Variants in IL2RA observed in about 807,000 individuals in gnomAD.
IL2RA encodes the protein interleukin 2 receptor subunit alpha.
A neutral mutation model predicts 37.8 loss-of-function variants in IL2RA; 24 were observed. The observed-to-expected ratio is 0.63, with a 90% CI of 0.46 to 0.89. The LOEUF (loss-of-function observed/expected upper bound fraction) is 0.89. Ranked by LOEUF, IL2RA falls within the 40% of genes least tolerant of loss-of-function variation. The pLI, the probability that IL2RA is intolerant of heterozygous loss-of-function variation, is 0.00. For synonymous variants in IL2RA, 125 were observed against 114.6 expected, an observed-to-expected ratio of 1.09 and a Z score of -0.58; for missense variants, 319 against 348.6, an observed-to-expected ratio of 0.92 and a Z score of 0.68.
chr10:6,058,249 C>T lies in IL2RA; in HGVS notation c.64+3839G>A, dbSNP rs558285206. On this transcript the variant is annotated intron_variant, in intron 1 of 7. Transcript: ENST00000379959. This position sits in a 1 kb window ranked among gnomAD's most constrained non-coding sequence, Gnocchi z 4.2. ...GGTGGAGTAGTGGAGTTTTAGAGCT[C>T]AGCAACCGTTCTATATTAGCACCTC... Among the ~76,000 whole-genome samples the T allele has an allele frequency of 6.6e-6, 1 of 152,302 alleles. No homozygotes were observed. The highest frequency in any genetic ancestry group is 1.5e-5 in the Non-Finnish European group (1 of 68,020).
chr10:6,038,172 C>T (rs1839719961), intron 1 of IL2RA, among the ~76,000 whole-genome samples: 2 of 152,172 alleles, frequency 1.3e-5, no homozygotes. Flanking sequence ...CACCAGGTTC[C>T]CTGACTCCTA....
chr10:6,014,802 G>A lies in IL2RA; in HGVS notation c.795-1906C>T, dbSNP rs1179096854. 1.3e-5 allele frequency among the ~76,000 whole-genome samples: 2 copies of A among 152,168 alleles called. No homozygotes were observed. The highest frequency in any genetic ancestry group is 2.9e-5 in the Non-Finnish European group (2 of 68,038). On this transcript the variant is annotated intron_variant, in intron 7 of 7. Transcript: ENST00000379959. The surrounding 1 kb of genome is among the most constrained non-coding windows in gnomAD (Gnocchi z 4.4). The stretch of plus-strand genomic sequence containing the variant: ...AATAACCCTAGGGGGCTTATCATTT[G>A]CACTGCAGTAATTTATACTTTTTAA...
At chr10:6,043,431 TG>T (rs1839803461) in intron 1 of IL2RA, among the ~76,000 whole-genome samples, 1 of 152,012 alleles carries the variant, frequency 6.6e-6, no homozygotes, top group South Asian at 2.1e-4. Context: ...TATTTGTTTT[TG>T]TTTGTGTTTG....
intron 1 of IL2RA, among the ~76,000 whole-genome samples, chr10:6,060,672 A>G (rs989924932): frequency 7.2e-5 from 11 of 152,100 alleles, no homozygotes; most frequent in African/African-American, 2.7e-4. Context: ...CACGAGAATT[A>G]CTTGAGCCCA....
chr10:6,038,825 T>A (rs1839728420), intron 1 of IL2RA, among the ~76,000 whole-genome samples: 1 of 151,846 alleles, frequency 6.6e-6, no homozygotes. Flanking sequence ...ATGTTAAAAA[T>A]TACATCTAAA....
Position 6,021,705 on chromosome 10 carries a change from A to G in IL2RA, c.368-12T>C, listed in dbSNP as rs1176410684. On this transcript the variant is annotated splice_polypyrimidine_tract_variant and intron_variant, in intron 3 of 7. Coordinates refer to ENST00000379959, the MANE Select transcript of IL2RA (RefSeq NM_000417.3). The surrounding 1 kb of genome is among the most constrained non-coding windows in gnomAD (Gnocchi z 4.9). Reference sequence around the variant, plus strand: ...TTCCCTGCAGTGACCTGGAAGATGGAAGGAATGCTCTGAAGGCAAGTTGGG... The same window carrying G: ...TTCCCTGCAGTGACCTGGAAGATGGGAGGAATGCTCTGAAGGCAAGTTGGG... The G allele has an allele frequency of 6.2e-7, 1 of 1,613,358 alleles. No individual in the cohort carries two copies. The highest frequency in any genetic ancestry group is 8.5e-7 in the Non-Finnish European group (1 of 1,179,494).
intron 1 of IL2RA, among the ~76,000 whole-genome samples, chr10:6,026,971 C>T (rs1839494368): frequency 6.6e-6 from 1 of 152,156 alleles, no homozygotes; most frequent in Non-Finnish European, 1.5e-5. Flanking sequence ...AGCACCTTGT[C>T]CTCCGGAAGA....
intron 7 of IL2RA, 150 bp from the exon 8 acceptor site, chr10:6,013,046 T>C: frequency 4.0e-6 from 3 of 748,762 alleles, no homozygotes; most frequent in Admixed American, 2.1e-5. Context: ...GCCAGGCTGG[T>C]CTCGAACTCC....
rs1773650328 is a variant in IL2RA at position 6,044,764 on chromosome 10, G to T, written c.64+17324C>A. Among the ~76,000 whole-genome samples, 1 of 152,146 alleles carries T rather than the reference G, an allele frequency of 6.6e-6. No individual in the cohort carries two copies. The highest frequency in any genetic ancestry group is 2.1e-4 in the South Asian group (1 of 4,826). On this transcript the variant is annotated intron_variant, in intron 1 of 7. Transcript: ENST00000379959. The surrounding 1 kb of genome is among the most constrained non-coding windows in gnomAD (Gnocchi z 4.5). ...TAAGACAGTGCAAAATATAAGTGGT[G>T]GTATAGGGACTTCACCTCCCACTCC...
intron 1 of IL2RA, among the ~76,000 whole-genome samples, chr10:6,060,817 C>T (rs940161003): frequency 7.9e-5 from 12 of 151,964 alleles, no homozygotes; most frequent in African/African-American, 2.9e-4. Context: ...TCTTTAAAGA[C>T]ACTCCTACAT....
intron 7 of IL2RA, chr10:6,017,056 A>G (rs1839290837): frequency 6.0e-6 from 1 of 167,158 alleles, no homozygotes. Flanking sequence ...CTCTTAAAAG[A>G]TGTCACAGCT....
rs1331779479 is a variant in IL2RA, at chr10:6,020,938, TG to T, written c.583+539del. Among the ~76,000 whole-genome samples the T allele has an allele frequency of 2.1e-5, 3 of 142,912 alleles. No individual in the cohort carries two copies. Among genetic ancestry groups the T allele is most frequent in the Non-Finnish European group, 4.7e-5 (3 of 63,662 alleles). 93.8% of individuals were successfully genotyped at this position (142,912 alleles called of 152,430 possible). A position where few individuals can be genotyped will look rare whatever the true frequency, so the allele number is the denominator to read the frequency against. ...CTGAGCATTTGCATGAGTATGTGTG[TG>T]TGTGTGTGTGTGTGCGCGCATGTGC... is the stretch of plus-strand genomic sequence containing the variant. On this transcript the variant is annotated intron_variant, in intron 4 of 7. Coordinates refer to ENST00000379959, the MANE Select transcript of IL2RA (RefSeq NM_000417.3). The surrounding 1 kb of genome is among the most constrained non-coding windows in gnomAD (Gnocchi z 5.6).
intron 1 of IL2RA, among the ~76,000 whole-genome samples, chr10:6,031,511 T>C (rs1347604954): frequency 3.9e-5 from 3 of 77,078 alleles, no homozygotes; most frequent in Non-Finnish European, 7.8e-5. Context: ...TATATATATA[T>C]GTATATATAT....
In IL2RA at chr10:6,018,170, G is replaced by A. The variant is rs756923476; in HGVS notation, c.728-51C>T. The A allele has an allele frequency of 6.9e-6, 10 of 1,455,508 alleles. No individual in the cohort carries two copies. The African/African-American group carries it at 1.1e-4, about 16-fold the overall frequency. The allele number at this position is 1,455,508 out of a possible 1,614,324, so 90.2% of individuals were successfully genotyped here. ...CAAAGGGCCCTGGGCTTGGCATGGG[G>A]GCAGCAGGAGCCAGGGCCACAGGGC... On this transcript the variant is annotated intron_variant, in intron 6 of 7. Coordinates refer to ENST00000379959, the MANE Select transcript of IL2RA (RefSeq NM_000417.3). This position sits in a 1 kb window ranked among gnomAD's most constrained non-coding sequence, Gnocchi z 5.1.
chr10:6,043,938 C>A (rs915029614), intron 1 of IL2RA, among the ~76,000 whole-genome samples: 1 of 151,966 alleles, frequency 6.6e-6, no homozygotes, highest in African/African-American at 2.4e-5. Flanking sequence ...AATTCTTTAC[C>A]AAAGCTTCTT....
chr10:6,021,341 G>GA lies in IL2RA; in HGVS notation c.583+136dup, dbSNP rs1325878040. ...AATTTTTTTTTTTTTCTCAGAATGA[G>GA]AAAAAATGGAAGCCCAGGGAGATCA... On this transcript the variant is annotated intron_variant, in intron 4 of 7. Coordinates refer to ENST00000379959, the MANE Select transcript of IL2RA (RefSeq NM_000417.3). This position sits in a 1 kb window ranked among gnomAD's most constrained non-coding sequence, Gnocchi z 4.9. 1.6e-5 allele frequency: 12 copies of GA among 761,578 alleles called. No individual in the cohort carries two copies. The highest frequency in any genetic ancestry group is 1.8e-5 in the African/African-American group (1 of 55,908). The allele number at this position is 761,578 out of a possible 1,614,324, so 47.2% of individuals were successfully genotyped here. A position where few individuals can be genotyped will look rare whatever the true frequency, so the allele number is the denominator to read the frequency against.
chr10:6,013,833 T>TA (rs1491574391), intron 7 of IL2RA, among the ~76,000 whole-genome samples: 4 of 7,442 alleles, frequency 5.4e-4, no homozygotes, highest in African/African-American at 8.0e-4. Context: ...AATATTTTAA[T>TA]TTTTTTTTTT....
At chr10:6,045,771 C>T (rs532330863) in intron 1 of IL2RA, among the ~76,000 whole-genome samples, 2 of 152,128 alleles carry the variant, frequency 1.3e-5, no homozygotes, top group East Asian at 1.9e-4. Context: ...GAAACTGGAG[C>T]GAGGAGCTGA....
rs1309221889 is a variant in IL2RA at position 6,020,273 on chromosome 10, T to C, written c.584-332A>G. Among the ~76,000 whole-genome samples the C allele has an allele frequency of 6.6e-6, 1 of 152,138 alleles. No individual in the cohort carries two copies. The highest frequency in any genetic ancestry group is 1.5e-5 in the Non-Finnish European group (1 of 68,020). ...CAGGTCATAATAATACGAATGCCAT[T>C]GAACCACTGGATGGAGCAGAGATGC... On this transcript the variant is annotated intron_variant, in intron 4 of 7. Transcript: ENST00000379959. This position sits in a 1 kb window ranked among gnomAD's most constrained non-coding sequence, Gnocchi z 5.6.
Sources: allele counts gnomAD v4.1 joint callset (sites outside exome capture counted in the v4.1 genomes callset), GRCh38; gene constraint gnomAD v4.1.1; non-coding constraint Gnocchi (gnomAD v3.1); transcripts MANE v1.5; gene names NCBI Gene and HGNC (gene_info 2026-07-23, HGNC 2026-07-21).